MRC2: variants seen among roughly 807,000 people sequenced by gnomAD.
MRC2 encodes the protein mannose receptor C-type 2.
A neutral mutation model predicts 206.2 loss-of-function variants in MRC2; 84 were observed. That is an observed-to-expected ratio of 0.41 (90% CI 0.34 to 0.49). The LOEUF (loss-of-function observed/expected upper bound fraction) is 0.49. Among genes scored for constraint, MRC2 ranks in the 20% least tolerant of loss-of-function variants. The probability of loss-of-function intolerance (pLI) is 0.31; values close to 1 mark genes in which losing one functional copy is unlikely to be tolerated. For synonymous variants in MRC2, 798 were observed against 800.0 expected (o/e 1.00, Z 0.04); for missense variants, 1,676 against 2,001.5 (o/e 0.84, Z 3.10).
chr17:62,656,359 T>A (rs2088619565), intron 1 of MRC2, among the ~76,000 whole-genome samples: 1 of 152,054 alleles, frequency 6.6e-6, no homozygotes, highest in Admixed American at 6.5e-5. Flanking sequence ...CCTGGCTAAT[T>A]TTTAAATTTT....
Position 62,667,445 on chromosome 17 carries a change from G to C in MRC2, c.1029G>C (p.Ser343=). 6.2e-7 allele frequency: 1 copy of C among 1,612,548 alleles called. No homozygotes were observed. Among genetic ancestry groups the C allele is most frequent in the South Asian group, 1.1e-5 (1 of 90,966 alleles). The change falls in exon 6 of 30, where the codon TCG becomes TCC. Residue 343 remains serine, a synonymous_variant. Transcript: ENST00000303375. This position sits in a 1 kb window ranked among gnomAD's most constrained non-coding sequence, Gnocchi z 4.1. The part of the protein sequence containing the change: ...ENCGVIRTES[S]GGWQNRDCSI... ...GTGGAGTGATCCGCACTGAGTCCTC[G>C]GGCGGCTGGCAGAACCGTGACTGCA... is the stretch of plus-strand genomic sequence containing the variant.
rs897703547 is a variant in MRC2, at chr17:62,664,169, C to T, written c.119-379C>T. Among the ~76,000 whole-genome samples the T allele has an allele frequency of 2.3e-4, 35 of 151,832 alleles. No individual in the cohort carries two copies. Among genetic ancestry groups the T allele is most frequent in the Admixed American group, 2.0e-3 (31 of 15,270 alleles). ...AGAGACGGGGTTTCACCGTTTTAGC[C>T]GGGATGGTCTCGATCTCCTGACCTC... On this transcript the variant is annotated intron_variant, in intron 1 of 29. Coordinates refer to ENST00000303375, the MANE Select transcript of MRC2 (RefSeq NM_006039.5). The surrounding 1 kb of genome is among the most constrained non-coding windows in gnomAD (Gnocchi z 4.7).
At chr17:62,686,238 A>G (rs890434347) in intron 20 of MRC2, among the ~76,000 whole-genome samples, 3 of 152,158 alleles carry the variant, frequency 2.0e-5, no homozygotes, top group African/African-American at 7.2e-5. Context: ...AGATTACCTG[A>G]GGTCAGGAGT....
rs148179488 is a variant in MRC2 at position 62,688,562 on chromosome 17, G to A, written c.3123G>A (p.Ser1041=). 274 of 1,614,212 alleles carry A rather than the reference G, an allele frequency of 1.7e-4. No individual in the cohort carries two copies. Among genetic ancestry groups the A allele is most frequent in the African/African-American group, 6.7e-5 (5 of 75,066 alleles). ...TFDLWIGLHA[S]QRDFQWVEQE... ...ACCTTTGGATTGGCCTCCATGCCTCGCAGAGGGACTTCCAGTGGGTGGAGC... is the reference window on the plus strand; with the variant it reads ...ACCTTTGGATTGGCCTCCATGCCTCACAGAGGGACTTCCAGTGGGTGGAGC... The change falls in exon 22 of 30, where the codon TCG becomes TCA. Residue 1041 remains serine (S), a synonymous_variant. Coordinates refer to ENST00000303375, the MANE Select transcript of MRC2 (RefSeq NM_006039.5).
intron 19 of MRC2, 31 bp from the exon 20 acceptor site, chr17:62,682,204 G>A: frequency 6.5e-7 from 1 of 1,534,954 alleles, no homozygotes; most frequent in Non-Finnish European, 8.8e-7. Flanking sequence ...TCTGCCCTGG[G>A]GGTGACTGCC....
chr17:62,678,999 C>T (rs1419781366), intron 13 of MRC2, among the ~76,000 whole-genome samples: 2 of 152,142 alleles, frequency 1.3e-5, no homozygotes, highest in Non-Finnish European at 2.9e-5. Context: ...TGTTTCCCCT[C>T]ACCTTACACC....
chr17:62,644,172 A>G (rs2088446058), intron 1 of MRC2, among the ~76,000 whole-genome samples: 1 of 152,198 alleles, frequency 6.6e-6, no homozygotes, highest in South Asian at 2.1e-4. Flanking sequence ...TAATCCCAGC[A>G]CTTTGGGAGG....
At position 62,664,176 on chromosome 17, in the gene MRC2, G is replaced by C. The variant is rs2088717101; in HGVS notation, c.119-372G>C. ...GGGTTTCACCGTTTTAGCCGGGATG[G>C]TCTCGATCTCCTGACCTCGTGATCC... On this transcript the variant is annotated intron_variant, in intron 1 of 29. Transcript: ENST00000303375. The surrounding 1 kb of genome is among the most constrained non-coding windows in gnomAD (Gnocchi z 4.7). 6.6e-6 allele frequency among the ~76,000 whole-genome samples: 1 copy of C among 151,896 alleles called. No homozygotes were observed. The highest frequency in any genetic ancestry group is 6.6e-5 in the Admixed American group (1 of 15,256).
chr17:62,677,294 G>A lies in MRC2; in HGVS notation c.1860G>A (p.Ala620=), dbSNP rs371326640. The change falls in exon 12 of 30, where the codon GCG becomes GCA. Residue 620 remains alanine, a synonymous_variant. Coordinates refer to ENST00000303375, the MANE Select transcript of MRC2 (RefSeq NM_006039.5). ...QPGYSRGGCV[A]LATGSAMGLW... ...GGTACAGCCGTGGGGGCTGCGTGGC[G>A]CTGGCCACTGGCAGCGCCATGGGGC... 54 of 1,604,086 alleles carry A rather than the reference G, an allele frequency of 3.4e-5. No homozygotes were observed. Among genetic ancestry groups the A allele is most frequent in the African/African-American group, 3.1e-4 (23 of 74,820 alleles).
At chr17:62,650,678 G>A (rs1327401282) in intron 1 of MRC2, among the ~76,000 whole-genome samples, 1 of 152,160 alleles carries the variant, frequency 6.6e-6, no homozygotes, top group Non-Finnish European at 1.5e-5. Context: ...GTTGTTATAA[G>A]GATTAATGAA....
chr17:62,633,036 C>T (rs2088265567), intron 1 of MRC2, among the ~76,000 whole-genome samples: 1 of 152,164 alleles, frequency 6.6e-6, no homozygotes, highest in South Asian at 2.1e-4. Flanking sequence ...TATGTGACCT[C>T]AGGCAGAGGC....
At chr17:62,689,097 A>C in intron 23 of MRC2, 137 bp downstream of exon 23, 1 of 706,464 alleles carries the variant, frequency 1.4e-6, no homozygotes, top group Non-Finnish European at 2.4e-6. Context: ...GCAGAAAGGC[A>C]AGGTGCCAAT....
At chr17:62,630,020 C>T (rs925723429) in intron 1 of MRC2, among the ~76,000 whole-genome samples, 10 of 151,932 alleles carry the variant, frequency 6.6e-5, no homozygotes, top group African/African-American at 2.4e-4. Flanking sequence ...GAGTGGCCCG[C>T]GGAGACTGTC....
chr17:62,684,374 G>A (rs577130421), intron 20 of MRC2, among the ~76,000 whole-genome samples: 1 of 152,284 alleles, frequency 6.6e-6, no homozygotes, highest in African/African-American at 2.4e-5. Context: ...CCAGGAGTTC[G>A]AGACCAGCCT....
At position 62,680,061 on chromosome 17, in the gene MRC2, C is replaced by T. The variant is rs571701640; in HGVS notation, c.2299-109C>T. The T allele has an allele frequency of 6.5e-5, 101 of 1,547,344 alleles. No homozygotes were observed. In the South Asian group the frequency reaches 1.1e-3, roughly 17 times the overall value. On this transcript the variant is annotated intron_variant, in intron 14 of 29. Coordinates refer to ENST00000303375, the MANE Select transcript of MRC2 (RefSeq NM_006039.5). This position sits in a 1 kb window ranked among gnomAD's most constrained non-coding sequence, Gnocchi z 4.8. ...GGTCCGAGAGGGGTCACCCGGCCCC[C>T]GGTGAGAATTCGCAGCTCAGGCCAG...
At chr17:62,648,246 A>G (rs557302718) in intron 1 of MRC2, among the ~76,000 whole-genome samples, 1 of 152,360 alleles carries the variant, frequency 6.6e-6, no homozygotes, top group Non-Finnish European at 1.5e-5. Flanking sequence ...TCTACTAAAA[A>G]TACAAAAATA....
rs1183778765 is a variant in MRC2 at position 62,674,092 on chromosome 17, C to G, written c.1491C>G (p.Asn497Lys). Residue 497 changes from asparagine (N) to lysine (K), a missense_variant, in exon 9 of 30, where the codon AAC (asparagine) becomes AAG (lysine). Asn to Lys is a moderately conservative substitution (Grantham distance 94). Transcript: ENST00000303375. The stretch of plus-strand genomic sequence containing the variant: ...GCCGCTGGAACGACAGTCCCTGTAA[C>G]CAGTCCTTGCCATCCATCTGCAAGA... ...PEGRWNDSPC[N>K]QSLPSICKKA... The G allele has an allele frequency of 1.3e-6, 2 of 1,554,764 alleles. No individual in the cohort carries two copies. The highest frequency in any genetic ancestry group is 1.7e-6 in the Non-Finnish European group (2 of 1,148,786).
At chr17:62,653,204 A>C (rs1489997994) in intron 1 of MRC2, among the ~76,000 whole-genome samples, 1 of 152,102 alleles carries the variant, frequency 6.6e-6, no homozygotes, top group Non-Finnish European at 1.5e-5. Flanking sequence ...CTGGGGGAGG[A>C]CTGGCCGAAA....
Position 62,680,731 on chromosome 17 carries a change from G to T in MRC2, c.2474-69G>T, listed in dbSNP as rs1172337739. The T allele has an allele frequency of 1.4e-6, 2 of 1,411,086 alleles. No individual in the cohort carries two copies. 87.4% of individuals were successfully genotyped at this position (1,411,086 alleles called of 1,614,324 possible). Reference sequence around the variant, plus strand: ...CCTGGCTCTGCCCCGGCCCTGCCGCGCCCGCCTCCGGGGCCTGGCGTGCAG... The same window carrying T: ...CCTGGCTCTGCCCCGGCCCTGCCGCTCCCGCCTCCGGGGCCTGGCGTGCAG... On this transcript the variant is annotated intron_variant, in intron 16 of 29. Transcript: ENST00000303375. This position sits in a 1 kb window ranked among gnomAD's most constrained non-coding sequence, Gnocchi z 4.8.
Sources: allele counts gnomAD v4.1 joint callset (sites outside exome capture counted in the v4.1 genomes callset), GRCh38; gene constraint gnomAD v4.1.1; non-coding constraint Gnocchi (gnomAD v3.1); transcripts MANE v1.5; gene names NCBI Gene and HGNC (gene_info 2026-07-23, HGNC 2026-07-21).